The following FGD4 variants were observed in gnomAD, a reference collection of about 807,000 sequenced individuals.
FGD4 encodes FYVE, RhoGEF and PH domain containing 4.
In FGD4, 42 loss-of-function variants were observed where a neutral mutation model predicts 102.0. The observed-to-expected ratio is 0.41, with a 90% CI of 0.32 to 0.53. The LOEUF is 0.53. Ranked by LOEUF, FGD4 falls within the 20% of genes least tolerant of loss-of-function variation. The probability of loss-of-function intolerance (pLI) is 0.21; values close to 1 mark genes in which losing one functional copy is unlikely to be tolerated. For synonymous variants in FGD4, 380 were observed against 375.7 expected (o/e 1.01, Z -0.13); for missense variants, 902 against 1,078.2 (o/e 0.84, Z 2.29).
intron 7 of FGD4, among the ~76,000 whole-genome samples, chr12:32,606,478 C>G (rs1400911819): frequency 8.0e-6 from 1 of 125,208 alleles, no homozygotes; most frequent in Admixed American, 8.0e-5. Context: ...TTTTTTTTTG[C>G]CAAGAAAACC....
intron 1 of FGD4, among the ~76,000 whole-genome samples, chr12:32,498,399 G>C (rs763754242): frequency 7.2e-5 from 11 of 152,178 alleles, no homozygotes; most frequent in Non-Finnish European, 1.0e-4. Context: ...TGGTGAAAAT[G>C]AAAGTGGGAG....
At chr12:32,526,100 GTGCGGGATCCACTAGGTGAAGCCAGC>G (rs1209150826) in intron 1 of FGD4, among the ~76,000 whole-genome samples, 6 of 152,254 alleles carry the variant, frequency 3.9e-5, no homozygotes, top group African/African-American at 1.4e-4. Flanking sequence ...TGCAGCCCCG[GTGCGGGATCCACTAGGTGAAGCCAGC>G]TGGGCTCCTG....
intron 1 of FGD4, among the ~76,000 whole-genome samples, chr12:32,481,154 A>AAAAAAAAAAAAG (rs1943752099): frequency 6.7e-6 from 1 of 148,958 alleles, no homozygotes; most frequent in African/African-American, 2.5e-5. Flanking sequence ...AAAAAAAAAA[A>AAAAAAAAAAAAG]AAAGCCGGGC....
intron 1 of FGD4, among the ~76,000 whole-genome samples, chr12:32,562,063 C>T (rs889138500): frequency 7.9e-5 from 12 of 152,116 alleles, no homozygotes; most frequent in Non-Finnish European, 1.6e-4. Context: ...CTTCTAGAGT[C>T]TTTAGGTCAG....
Position 32,640,937 on chromosome 12 carries a change from A to G in FGD4, c.*404A>G, listed in dbSNP as rs538842909. The G allele has an allele frequency of 1.3e-5, 4 of 318,152 alleles. No individual in the cohort carries two copies. The highest frequency in any genetic ancestry group is 4.6e-5 in the Admixed American group (1 of 21,766). The allele number at this position is 318,152 out of a possible 1,614,324, so 19.7% of individuals were successfully genotyped here. A position where few individuals can be genotyped will look rare whatever the true frequency, so the allele number is the denominator to read the frequency against. On this transcript the variant is annotated 3_prime_UTR_variant, in exon 17 of 17. Transcript: ENST00000534526. ...ACCTCCATGTTGCCAAAATAGATCC[A>G]TGGTGAAAAATACAGGGACAGTTGA...
intron 1 of FGD4, among the ~76,000 whole-genome samples, chr12:32,552,913 G>T (rs868648300): frequency 3.3e-5 from 5 of 151,236 alleles, no homozygotes; most frequent in South Asian, 2.1e-4. Flanking sequence ...GAGTAGCTGG[G>T]ATTACAGGCA....
chr12:32,640,494 G>C lies in FGD4; in HGVS notation c.2673G>C (p.Leu891Phe). ...GTCCAAATGAGCATCCAGCCACCTT[G>C]GATGATCATCCTGAACCTAAGAAAA... ...PGGPNEHPATLDDHPEPKKKS... is the reference protein window; with the variant it reads ...PGGPNEHPATFDDHPEPKKKS... The change falls in exon 17 of 17, where the codon TTG becomes TTC. Residue 891 changes from leucine to phenylalanine, a missense_variant. By Grantham distance (22) the Leu-to-Phe change is conservative. This residue lies in a region of FGD4 where 459 missense variants were observed against 619.0 expected (regional missense o/e 0.74). Transcript: ENST00000534526. 1 of 1,614,070 alleles carries C rather than the reference G, an allele frequency of 6.2e-7. No individual in the cohort carries two copies. Among genetic ancestry groups the C allele is most frequent in the Non-Finnish European group, 8.5e-7 (1 of 1,180,036 alleles).
chr12:32,464,396 G>GCC (rs112113992), intron 1 of FGD4, among the ~76,000 whole-genome samples: 37 of 151,910 alleles, frequency 2.4e-4, no homozygotes, highest in Admixed American at 1.4e-3. Context: ...CCAGCAATCC[G>GCC]CCCACCTCGG....
chr12:32,523,048 T>G (rs1940718116), intron 1 of FGD4, among the ~76,000 whole-genome samples: 1 of 152,164 alleles, frequency 6.6e-6, no homozygotes, highest in Non-Finnish European at 1.5e-5. Context: ...GAGCATGAAC[T>G]GAAAAGGGAA....
intron 4 of FGD4, among the ~76,000 whole-genome samples, chr12:32,592,241 C>G (rs1239530483): frequency 6.6e-6 from 1 of 151,738 alleles, no homozygotes; most frequent in Non-Finnish European, 1.5e-5. Context: ...CGCCACCATT[C>G]CCAGCTAATT....
intron 1 of FGD4, among the ~76,000 whole-genome samples, chr12:32,416,966 G>C (rs546184867): frequency 1.3e-5 from 2 of 150,458 alleles, no homozygotes; most frequent in East Asian, 3.9e-4. Context: ...GCACAATCTC[G>C]GCTCACTGCA....
At chr12:32,434,150 G>A (rs1047129556) in intron 1 of FGD4, among the ~76,000 whole-genome samples, 9 of 152,258 alleles carry the variant, frequency 5.9e-5, no homozygotes, top group East Asian at 3.9e-4. Context: ...CACTGTGCCC[G>A]GCCTGATAAT....
chr12:32,606,307 C>G (rs566948599), intron 7 of FGD4, among the ~76,000 whole-genome samples: 1 of 152,172 alleles, frequency 6.6e-6, no homozygotes, highest in African/African-American at 2.4e-5. Flanking sequence ...CCCCGTCCCC[C>G]TAAAGCCACA....
intron 15 of FGD4, chr12:32,637,995 T>C (rs1950945458): frequency 3.9e-5 from 6 of 152,890 alleles, no homozygotes; most frequent in Admixed American, 3.9e-4. Flanking sequence ...CAAACAAAGA[T>C]TGCTGGTTAC....
At chr12:32,524,535 A>C (rs1940928148) in intron 1 of FGD4, among the ~76,000 whole-genome samples, 1 of 87,036 alleles carries the variant, frequency 1.1e-5, no homozygotes, top group Non-Finnish European at 3.3e-5. Flanking sequence ...AAAAAAAAAA[A>C]ACAGAAAAAA....
rs1951346475 is a variant in FGD4, at chr12:32,645,199, C to CA, written c.*4667dup. 1 of 152,068 alleles carries CA rather than the reference C, an allele frequency of 6.6e-6. No homozygotes were observed. The highest frequency in any genetic ancestry group is 2.1e-4 in the South Asian group (1 of 4,830). The allele number at this position is 152,068 out of a possible 1,614,324, so 9.4% of individuals were successfully genotyped here. On this transcript the variant is annotated 3_prime_UTR_variant, in exon 17 of 17. Coordinates refer to ENST00000534526, the MANE Select transcript of FGD4 (RefSeq NM_001370298.3). ...TGTGGGGACCATTATAAGAGAATCA[C>CA]ATTATATATTACACAGTATATGGAT...
chr12:32,405,180 G>A (rs190402593), intron 1 of FGD4, among the ~76,000 whole-genome samples: 9 of 151,132 alleles, frequency 6.0e-5, no homozygotes, highest in Admixed American at 5.3e-4. Context: ...TGATCCACCC[G>A]CCTCAGCCTC....
chr12:32,638,516 A>C, intron 15 of FGD4, 139 bp from the exon 16 acceptor site: 1 of 1,185,530 alleles, frequency 8.4e-7, no homozygotes, highest in Non-Finnish European at 1.2e-6. Flanking sequence ...TCCATGTTAA[A>C]ATGTTTAAAC....
At chr12:32,561,967 T>C (rs61926164) in intron 1 of FGD4, among the ~76,000 whole-genome samples, 1,683 of 152,270 alleles carry the variant, frequency 0.011, 18 homozygotes, top group South Asian at 0.056. Context: ...GATGTTGATG[T>C]GGAGTCTGAG....
Sources: gnomAD v4.1 joint callset for allele counts (sites outside exome capture counted in the v4.1 genomes callset) on GRCh38, gnomAD v4.1.1 for gene constraint, gnomAD v4.1.1 regional missense constraint, MANE v1.5 for transcripts, NCBI Gene and HGNC (gene_info 2026-07-23, HGNC 2026-07-21) for gene names.